CSMD1: variants seen among roughly 807,000 people sequenced by gnomAD.
CSMD1 encodes the protein CUB and Sushi multiple domains 1, also known as CUB and sushi domain-containing protein 1.
CSMD1 carries 213 observed loss-of-function variants against 417.5 expected under a neutral mutation model. The observed-to-expected ratio is 0.51, with a 90% CI of 0.46 to 0.57. The LOEUF (loss-of-function observed/expected upper bound fraction) is 0.57. CSMD1 is among the 20% of genes least tolerant of loss of function. The pLI, the probability that CSMD1 is intolerant of heterozygous loss-of-function variation, is 0.00. For synonymous variants in CSMD1, 2,862 were observed against 1,736.8 expected (o/e 1.65, Z -16.11); for missense variants, 6,923 against 4,529.7 (o/e 1.53, Z -15.17).
intron 1 of CSMD1, among the ~76,000 whole-genome samples, chr8:4,802,606 A>C (rs1443566523): frequency 6.6e-6 from 1 of 152,166 alleles, no homozygotes. Flanking sequence ...CTTAATTCAC[A>C]ATGACTCTAG....
intron 3 of CSMD1, among the ~76,000 whole-genome samples, chr8:4,145,945 C>G (rs762499969): frequency 2.0e-5 from 3 of 150,888 alleles, no homozygotes; most frequent in Non-Finnish European, 4.4e-5. Context: ...AGACTGACCA[C>G]GCTGTTTCTT....
intron 2 of CSMD1, among the ~76,000 whole-genome samples, chr8:4,552,368 G>A (rs1161808938): frequency 9.2e-5 from 14 of 151,810 alleles, no homozygotes. Flanking sequence ...TGAACTTTAA[G>A]GAAGAGCCTA....
intron 3 of CSMD1, among the ~76,000 whole-genome samples, chr8:4,248,180 C>T (rs1384268643): frequency 6.6e-6 from 1 of 152,110 alleles, no homozygotes; most frequent in African/African-American, 2.4e-5. Flanking sequence ...ACTTGAAGCC[C>T]TGGAAATTTC....
intron 57 of CSMD1, among the ~76,000 whole-genome samples, chr8:2,970,425 T>A (rs1804353544): frequency 6.6e-6 from 1 of 152,218 alleles, no homozygotes; most frequent in Admixed American, 6.5e-5. Flanking sequence ...TACACCAAGT[T>A]CAGGCTGCAA....
chr8:4,902,484 G>A (rs1472523423), intron 1 of CSMD1, among the ~76,000 whole-genome samples: 1 of 151,230 alleles, frequency 6.6e-6, no homozygotes, highest in Non-Finnish European at 1.5e-5. Flanking sequence ...AGGAATAAAT[G>A]AAAAATATAA....
intron 2 of CSMD1, among the ~76,000 whole-genome samples, chr8:4,521,641 A>G (rs1294714758): frequency 6.6e-6 from 1 of 152,216 alleles, no homozygotes; most frequent in Non-Finnish European, 1.5e-5. Context: ...TTTATGGTAG[A>G]AAAAGGTGGC....
In CSMD1 at chr8:3,000,016, A is replaced by G; in HGVS notation, c.8145T>C (p.Thr2715=). ...GGTCTTGCAGGCATATCCTCACGGAAGTTCCCACAAGCCGGAAACCAGGAT... is the reference window on the plus strand; with the variant it reads ...GGTCTTGCAGGCATATCCTCACGGAGGTTCCCACAAGCCGGAAACCAGGAT... ...QCNPGFRLVG[T]SVRICLQDHK... Residue 2715 remains threonine, a synonymous_variant, in exon 53 of 70, where the codon ACT becomes ACC. Transcript: ENST00000635120. 1.2e-6 allele frequency: 2 copies of G among 1,608,232 alleles called. No homozygotes were observed. Among genetic ancestry groups the G allele is most frequent in the Non-Finnish European group, 1.7e-6 (2 of 1,178,946 alleles).
chr8:3,382,394 ATATGT>A (rs1810683390), intron 18 of CSMD1, among the ~76,000 whole-genome samples: 1 of 144,856 alleles, frequency 6.9e-6, no homozygotes, highest in Admixed American at 7.1e-5. Context: ...TTAGTTATAT[ATATGT>A]TATTATATAA....
chr8:4,290,858 T>C (rs1448912382), intron 3 of CSMD1, among the ~76,000 whole-genome samples: 2 of 152,206 alleles, frequency 1.3e-5, no homozygotes, highest in African/African-American at 4.8e-5. Flanking sequence ...TATCCATCTG[T>C]TTCTTGTGAC....
intron 3 of CSMD1, among the ~76,000 whole-genome samples, chr8:4,271,411 CCT>C (rs1239188668): frequency 6.6e-6 from 1 of 151,880 alleles, no homozygotes; most frequent in African/African-American, 2.4e-5. Flanking sequence ...TGCCTGATGC[CCT>C]GTTTGAAATG....
chr8:3,421,741 A>C (rs1387723504), intron 12 of CSMD1, among the ~76,000 whole-genome samples: 6 of 152,172 alleles, frequency 3.9e-5, no homozygotes, highest in Non-Finnish European at 7.3e-5. Context: ...AGGTTCAAGC[A>C]ATTGTCCTGT....
At chr8:4,788,242 G>C (rs965985418) in intron 1 of CSMD1, 1 of 1,587,902 alleles carries the variant, frequency 6.3e-7, no homozygotes, top group African/African-American at 1.3e-5. Flanking sequence ...GAAACTCTGA[G>C]GGTTAAAGCT....
chr8:4,779,539 A>C (rs1797041483), intron 1 of CSMD1, among the ~76,000 whole-genome samples: 1 of 152,192 alleles, frequency 6.6e-6, no homozygotes, highest in African/African-American at 2.4e-5. Context: ...ACATTAACCA[A>C]GGGTTATAAA....
chr8:3,853,209 C>G (rs1303948126), intron 5 of CSMD1, among the ~76,000 whole-genome samples: 1 of 152,154 alleles, frequency 6.6e-6, no homozygotes, highest in Non-Finnish European at 1.5e-5. Context: ...TGCATGTTTT[C>G]AGTCTTCTTT....
intron 12 of CSMD1, among the ~76,000 whole-genome samples, chr8:3,447,680 C>A (rs541195913): frequency 1.3e-5 from 2 of 152,188 alleles, no homozygotes; most frequent in Non-Finnish European, 2.9e-5. Context: ...GTTGGAAGGG[C>A]TCTGCTCCCA....
At chr8:4,990,141 G>A (rs1414974859) in intron 1 of CSMD1, among the ~76,000 whole-genome samples, 1 of 152,142 alleles carries the variant, frequency 6.6e-6, no homozygotes, top group Admixed American at 6.6e-5. Flanking sequence ...CTTGTTTGAT[G>A]AGACCTCATT....
At chr8:3,793,354 TTC>T (rs974846016) in intron 5 of CSMD1, among the ~76,000 whole-genome samples, 20 of 152,204 alleles carry the variant, frequency 1.3e-4, no homozygotes, top group African/African-American at 4.8e-4. Flanking sequence ...ATCATTTAAA[TTC>T]TGTCATTTTC....
Position 3,772,466 on chromosome 8 carries a change from TACAC to T in CSMD1, c.819-18428_819-18425del, listed in dbSNP as rs1352967816. 1.7e-4 allele frequency among the ~76,000 whole-genome samples: 13 copies of T among 76,650 alleles called. 2 individuals are homozygous for T. Among genetic ancestry groups the T allele is most frequent in the Admixed American group, 2.8e-4 (2 of 7,208 alleles). 50.3% of individuals were successfully genotyped at this position (76,650 alleles called of 152,430 possible). A position where few individuals can be genotyped will look rare whatever the true frequency, so the allele number is the denominator to read the frequency against. ...ATATATACACATATATATACATATA[TACAC>T]ATATATATACATATATACACATATA... On this transcript the variant is annotated intron_variant, in intron 5 of 69. Transcript: ENST00000635120.
At chr8:3,526,686 C>T (rs1003013349) in intron 10 of CSMD1, among the ~76,000 whole-genome samples, 1 of 152,180 alleles carries the variant, frequency 6.6e-6, no homozygotes, top group Admixed American at 6.5e-5. Flanking sequence ...AATAAAAGAT[C>T]TGGCTTCAAA....
Sources: allele counts gnomAD v4.1 joint callset (sites outside exome capture counted in the v4.1 genomes callset), GRCh38; gene constraint gnomAD v4.1.1; transcripts MANE v1.5; gene names NCBI Gene and HGNC (gene_info 2026-07-23, HGNC 2026-07-21).